The following VPS54 variants were observed in gnomAD, a reference collection of about 807,000 sequenced individuals.
The protein encoded by VPS54 is vacuolar protein sorting-associated protein 54.
A neutral mutation model predicts 121.5 loss-of-function variants in VPS54; 45 were observed. The ratio of observed to expected loss-of-function variants is 0.37; its 90% CI spans 0.29 to 0.47. The LOEUF (loss-of-function observed/expected upper bound fraction) is 0.47. VPS54 is among the 20% of genes least tolerant of loss of function. VPS54 has a pLI of 0.99. For synonymous variants in VPS54, 371 were observed against 385.8 expected (o/e 0.96, Z 0.45); for missense variants, 1,090 against 1,131.4 (o/e 0.96, Z 0.52).
intron 1 of VPS54, among the ~76,000 whole-genome samples, chr2:63,989,235 T>C (rs529514991): frequency 6.6e-6 from 1 of 152,300 alleles, no homozygotes; most frequent in East Asian, 1.9e-4. Context: ...GTAATTCTAG[T>C]TTTGCTCTGG....
chr2:63,939,142 G>C (rs1674599439), intron 11 of VPS54, among the ~76,000 whole-genome samples: 1 of 152,092 alleles, frequency 6.6e-6, no homozygotes, highest in African/African-American at 2.4e-5. Flanking sequence ...TGGAGGCCAA[G>C]GTGGGTGGAT....
In VPS54 at chr2:63,994,664, C is replaced by T. The variant is rs546776720; in HGVS notation, c.-20-10645G>A. Among the ~76,000 whole-genome samples the T allele has an allele frequency of 2.6e-5, 4 of 152,292 alleles. 1 individual carries two copies. The highest frequency in any genetic ancestry group is 2.0e-4 in the Admixed American group (3 of 15,290). On this transcript the variant is annotated intron_variant, in intron 1 of 22. Coordinates refer to ENST00000272322, the MANE Select transcript of VPS54 (RefSeq NM_016516.3). ...CTACAGAGAAACCAGGACATTTGGTCTCCAGCCTCTCCCTTTCTCCTTTAA... is the reference window on the plus strand; with the variant it reads ...CTACAGAGAAACCAGGACATTTGGTTTCCAGCCTCTCCCTTTCTCCTTTAA...
chr2:64,011,253 A>G (rs541332930), intron 1 of VPS54, among the ~76,000 whole-genome samples: 39 of 152,308 alleles, frequency 2.6e-4, no homozygotes, highest in African/African-American at 8.7e-4. Flanking sequence ...TCAGAGAATT[A>G]TAACATTATA....
At chr2:63,973,797 C>T (rs1676395673) in intron 3 of VPS54, among the ~76,000 whole-genome samples, 1 of 152,148 alleles carries the variant, frequency 6.6e-6, no homozygotes, top group African/African-American at 2.4e-5. Context: ...CTTCCACCTC[C>T]ACCTCCCAAA....
intron 11 of VPS54, among the ~76,000 whole-genome samples, chr2:63,938,722 C>T (rs889962594): frequency 2.2e-4 from 34 of 152,190 alleles, no homozygotes; most frequent in Admixed American, 2.2e-3. Flanking sequence ...ACCTCAGCCT[C>T]CCAAAGTGCT....
At chr2:63,916,297 G>C (rs180842480) in intron 16 of VPS54, among the ~76,000 whole-genome samples, 2 of 152,110 alleles carry the variant, frequency 1.3e-5, no homozygotes, top group East Asian at 3.9e-4. Flanking sequence ...AAAAGACATA[G>C]TACTAGACAA....
chr2:63,913,585 G>A (rs959782405), intron 17 of VPS54, among the ~76,000 whole-genome samples: 2 of 151,924 alleles, frequency 1.3e-5, no homozygotes, highest in Non-Finnish European at 1.5e-5. Flanking sequence ...AAACAAATTC[G>A]GTTTCAGTCA....
At chr2:63,994,051 G>A (rs1244763795) in intron 1 of VPS54, among the ~76,000 whole-genome samples, 2 of 152,142 alleles carry the variant, frequency 1.3e-5, no homozygotes, top group South Asian at 2.1e-4. Context: ...AGACGTCCGC[G>A]TCAAAAACCG....
intron 2 of VPS54, 121 bp from the exon 3 acceptor site, chr2:63,982,008 C>T (rs961521021): frequency 3.7e-5 from 39 of 1,052,476 alleles, no homozygotes; most frequent in Non-Finnish European, 4.9e-5. Context: ...TAATCTTCCA[C>T]AGTAAATGAT....
intron 7 of VPS54, among the ~76,000 whole-genome samples, chr2:63,958,452 G>A (rs1675599900): frequency 6.6e-6 from 1 of 152,184 alleles, no homozygotes; most frequent in Admixed American, 6.5e-5. Context: ...ACAGAGATTT[G>A]CATTTGTGGT....
chr2:63,903,221 GC>G (rs1173199314), intron 20 of VPS54, among the ~76,000 whole-genome samples: 3 of 152,070 alleles, frequency 2.0e-5, no homozygotes, highest in African/African-American at 7.2e-5. Context: ...GGCAAATAGA[GC>G]AAAAAACAAT....
At chr2:63,952,843 C>G (rs915006611) in intron 7 of VPS54, among the ~76,000 whole-genome samples, 9 of 152,144 alleles carry the variant, frequency 5.9e-5, no homozygotes, top group Non-Finnish European at 1.2e-4. Context: ...CTAGGAATCT[C>G]ACTTCTTAGA....
chr2:63,949,079 G>C lies in VPS54; in HGVS notation c.1095C>G (p.Asp365Glu), dbSNP rs1675120467. ...IAEFSTYSHS[D>E]LNRPLEDDCQ... is the part of the protein sequence containing the mutation. The stretch of plus-strand genomic sequence containing the variant: ...AGTCATCTTCCAGTGGTCTATTTAA[G>C]TCACTGTGAGAATAAGTAGAAAATT... Residue 365 changes from aspartate to glutamate, a missense_variant, in exon 8 of 23, where the codon GAC (aspartate) becomes GAG (glutamate). Physicochemically the swap from Asp to Glu is conservative, Grantham distance 45. Coordinates refer to ENST00000272322, the MANE Select transcript of VPS54 (RefSeq NM_016516.3). The C allele has an allele frequency of 6.2e-7, 1 of 1,611,544 alleles. No individual in the cohort carries two copies.
chr2:63,947,500 TA>T lies in VPS54; in HGVS notation c.1138-11del, dbSNP rs755301272. 3 of 1,468,864 alleles carry T rather than the reference TA, an allele frequency of 2.0e-6. No individual in the cohort carries two copies. The highest frequency in any genetic ancestry group is 2.8e-6 in the Non-Finnish European group (3 of 1,083,596). 91.0% of individuals were successfully genotyped at this position (1,468,864 alleles called of 1,614,324 possible). On this transcript the variant is annotated splice_polypyrimidine_tract_variant and intron_variant, in intron 8 of 22. Coordinates refer to ENST00000272322, the MANE Select transcript of VPS54 (RefSeq NM_016516.3). ...GAGATATTAGTCTTTCCTGTTAAAA[TA>T]AAAGTATGTAACTTGACATTTTAAA...
chr2:63,983,485 C>T (rs931890307), intron 2 of VPS54, among the ~76,000 whole-genome samples: 2 of 143,780 alleles, frequency 1.4e-5, no homozygotes, highest in African/African-American at 2.6e-5. Context: ...GTCTGTCACC[C>T]AGGCTGGAGT....
intron 20 of VPS54, among the ~76,000 whole-genome samples, chr2:63,906,889 T>C (rs1420471313): frequency 2.0e-5 from 3 of 152,212 alleles, no homozygotes; most frequent in African/African-American, 7.2e-5. Context: ...GGACCTAGAA[T>C]AGCCAAAACA....
chr2:63,912,813 A>G (rs1186273833), intron 18 of VPS54, 152 bp from the exon 19 acceptor site: 1 of 976,686 alleles, frequency 1.0e-6, no homozygotes, highest in Non-Finnish European at 1.4e-6. Flanking sequence ...AAGGCAACAT[A>G]TTTCATTTTG....
chr2:63,896,488 T>G (rs1373294820), intron 22 of VPS54, among the ~76,000 whole-genome samples: 1 of 152,146 alleles, frequency 6.6e-6, no homozygotes, highest in Non-Finnish European at 1.5e-5. Context: ...TGAAAACAAA[T>G]AATTCTTTAA....
At chr2:63,958,775 C>T (rs1675616308) in intron 7 of VPS54, among the ~76,000 whole-genome samples, 1 of 152,034 alleles carries the variant, frequency 6.6e-6, no homozygotes, top group African/African-American at 2.4e-5. Flanking sequence ...AAAAGCAAAA[C>T]TTGGACTAAG....
Sources: allele counts gnomAD v4.1 joint callset (sites outside exome capture counted in the v4.1 genomes callset), GRCh38; gene constraint gnomAD v4.1.1; transcripts MANE v1.5; gene names NCBI Gene and HGNC (gene_info 2026-07-23, HGNC 2026-07-21).